The following AKAP13 variants were observed in gnomAD, a reference collection of about 807,000 sequenced individuals.
AKAP13 encodes the protein A-kinase anchor protein 13.
A neutral mutation model predicts 264.5 loss-of-function variants in AKAP13; 80 were observed. The observed-to-expected ratio is 0.30, with a 90% CI of 0.25 to 0.36. The LOEUF is 0.36. Ranked by LOEUF, AKAP13 falls within the 10% of genes least tolerant of loss-of-function variation. The pLI is 1.00. For synonymous variants in AKAP13, 1,380 were observed against 1,250.2 expected (o/e 1.10, Z -2.19); for missense variants, 3,712 against 3,435.2 (o/e 1.08, Z -2.01).
chr15:85,607,807 G>T (rs531470224), intron 8 of AKAP13, among the ~76,000 whole-genome samples: 2 of 152,158 alleles, frequency 1.3e-5, no homozygotes, highest in Admixed American at 6.5e-5. Context: ...TAAAATATGT[G>T]TTCTAGTTAA....
At chr15:85,561,947 G>A (rs145820281) in intron 5 of AKAP13, among the ~76,000 whole-genome samples, 42 of 152,232 alleles carry the variant, frequency 2.8e-4, no homozygotes, top group Non-Finnish European at 5.0e-4. Flanking sequence ...TGCATTCTCT[G>A]CTACAAAATA....
intron 10 of AKAP13, among the ~76,000 whole-genome samples, chr15:85,650,747 CT>C: frequency 1.9e-5 from 1 of 52,628 alleles, no homozygotes. Context: ...CAGAGTGAGA[CT>C]CCATCTCAAA....
In AKAP13 at chr15:85,748,167, G is replaced by A. The variant is rs2089424544; in HGVS notation, c.*3490G>A. On this transcript the variant is annotated 3_prime_UTR_variant, in exon 37 of 37. Transcript: ENST00000394518. Reference sequence around the variant, plus strand: ...GGATTTTAGTATTTGCATTGGAGTTGAGGTTTACTCTAATGATGGTGGCCC... The same window carrying A: ...GGATTTTAGTATTTGCATTGGAGTTAAGGTTTACTCTAATGATGGTGGCCC... 1 of 152,228 alleles carries A rather than the reference G, an allele frequency of 6.6e-6. No individual in the cohort carries two copies. The highest frequency in any genetic ancestry group is 2.4e-5 in the African/African-American group (1 of 41,450). 9.4% of individuals were successfully genotyped at this position (152,228 alleles called of 1,614,324 possible).
intron 1 of AKAP13, among the ~76,000 whole-genome samples, chr15:85,481,282 G>C (rs2075344615): frequency 6.6e-6 from 1 of 152,022 alleles, no homozygotes; most frequent in Non-Finnish European, 1.5e-5. Context: ...CCCAGCGCTG[G>C]TACATTCTGA....
At chr15:85,709,481 T>G (rs1164641599) in intron 18 of AKAP13, among the ~76,000 whole-genome samples, 2 of 152,014 alleles carry the variant, frequency 1.3e-5, no homozygotes, top group African/African-American at 4.8e-5. Context: ...TGCCACTGCC[T>G]TCCCACACCC....
intron 18 of AKAP13, 27 bp from the exon 19 acceptor site, chr15:85,710,552 C>T (rs1366085923): frequency 6.2e-7 from 1 of 1,610,734 alleles, no homozygotes; most frequent in African/African-American, 1.3e-5. Context: ...GGTGAATTGT[C>T]AATGGACTTA....
intron 1 of AKAP13, among the ~76,000 whole-genome samples, chr15:85,390,496 T>C (rs1047570820): frequency 2.6e-5 from 4 of 152,106 alleles, no homozygotes; most frequent in Admixed American, 2.6e-4. Flanking sequence ...ATAAGGTTTG[T>C]ATGTGTAGCC....
Position 85,582,071 on chromosome 15 carries a change from A to T in AKAP13, c.4003A>T (p.Ile1335Phe). Residue 1335 changes from isoleucine to phenylalanine, a missense_variant, in exon 7 of 37, where the codon ATC (isoleucine) becomes TTC (phenylalanine). Ile to Phe is a conservative substitution (Grantham distance 21). Around this residue, in one of 3 missense-constraint regions of AKAP13, gnomAD observed 2,759 missense variants for 2,411.7 expected, o/e 1.14. Transcript: ENST00000394518. The stretch of plus-strand genomic sequence containing the variant: ...TGCTGGAAGGGAGGAGCCAGAGAAG[A>T]TCATTTTACCTGTCCAGGGGCCTGA... ...CFAGREEPEK[I>F]ILPVQGPEPA... The T allele has an allele frequency of 6.2e-7, 1 of 1,612,534 alleles. No homozygotes were observed. The highest frequency in any genetic ancestry group is 1.3e-5 in the African/African-American group (1 of 75,024).
At chr15:85,744,192 T>C (rs557455887) in intron 36 of AKAP13, 1 of 300,792 alleles carries the variant, frequency 3.3e-6, no homozygotes, top group South Asian at 4.1e-5. Context: ...CTGTATGAAG[T>C]TGGCACTGCT....
chr15:85,508,115 C>G (rs751969997), intron 2 of AKAP13, among the ~76,000 whole-genome samples: 8 of 151,812 alleles, frequency 5.3e-5, no homozygotes, highest in Non-Finnish European at 1.2e-4. Context: ...TTGATGGAGC[C>G]TCTCTTTTCC....
intron 8 of AKAP13, among the ~76,000 whole-genome samples, chr15:85,611,437 C>T (rs1019687399): frequency 6.6e-6 from 1 of 152,160 alleles, no homozygotes; most frequent in Non-Finnish European, 1.5e-5. Flanking sequence ...CCTAGTCCAT[C>T]GTCACACTTC....
intron 14 of AKAP13, among the ~76,000 whole-genome samples, chr15:85,670,356 A>G (rs1005178142): frequency 6.6e-6 from 1 of 151,826 alleles, no homozygotes; most frequent in African/African-American, 2.4e-5. Context: ...ATTGTCTTAT[A>G]TTACCATAGT....
intron 8 of AKAP13, among the ~76,000 whole-genome samples, chr15:85,617,903 C>G (rs1328100585): frequency 6.6e-6 from 1 of 152,168 alleles, no homozygotes; most frequent in African/African-American, 2.4e-5. Flanking sequence ...TTATTTACAA[C>G]TTTTAAATCT....
At chr15:85,563,329 G>GTTTTTTTTTT (rs1184437606) in intron 5 of AKAP13, among the ~76,000 whole-genome samples, 26 of 54,188 alleles carry the variant, frequency 4.8e-4, no homozygotes, top group Admixed American at 4.3e-3. Context: ...GAATGTGCTT[G>GTTTTTTTTTT]TTTTTTTTTT....
Position 85,546,321 on chromosome 15 carries a change from A to AATACACACACACACACAC in AKAP13, c.662+2367_662+2368insTACACACACACACACACA, listed in dbSNP as rs375341311. Among the ~76,000 whole-genome samples, 12 of 145,176 alleles carry AATACACACACACACACAC rather than the reference A, an allele frequency of 8.3e-5. 1 individual carries two copies. Among genetic ancestry groups the AATACACACACACACACAC allele is most frequent in the Admixed American group, 6.9e-4 (10 of 14,556 alleles). On this transcript the variant is annotated intron_variant, in intron 5 of 36. Transcript: ENST00000394518. ...TAAATTTATATAATTGTTGTTACCA[A>AATACACACACACACACAC]ACACACACACACACACACACACACA...
chr15:85,566,626 C>CTTTT (rs35129066), intron 5 of AKAP13, among the ~76,000 whole-genome samples: 1 of 135,290 alleles, frequency 7.4e-6, no homozygotes, highest in Non-Finnish European at 1.6e-5. Context: ...AAATAACTTA[C>CTTTT]TTTTTTTTTT....
chr15:85,622,171 GAAAT>G (rs1184452631), intron 8 of AKAP13, among the ~76,000 whole-genome samples: 1 of 152,286 alleles, frequency 6.6e-6, no homozygotes, highest in Non-Finnish European at 1.5e-5. Context: ...AATAAATAGA[GAAAT>G]AAATAAGTAC....
intron 1 of AKAP13, among the ~76,000 whole-genome samples, chr15:85,396,359 T>C (rs1052122826): frequency 6.6e-6 from 1 of 152,154 alleles, no homozygotes. Context: ...CCTAAGAATG[T>C]GGTGCGTGAT....
intron 17 of AKAP13, among the ~76,000 whole-genome samples, chr15:85,705,227 G>A (rs967797846): frequency 3.3e-5 from 5 of 152,100 alleles, no homozygotes; most frequent in African/African-American, 7.2e-5. Context: ...ACCTTTTTAC[G>A]TGATAGTGCC....
Sources: gnomAD v4.1 joint callset for allele counts (sites outside exome capture counted in the v4.1 genomes callset) on GRCh38, gnomAD v4.1.1 for gene constraint, gnomAD v4.1.1 regional missense constraint, MANE v1.5 for transcripts, NCBI Gene and HGNC (gene_info 2026-07-23, HGNC 2026-07-21) for gene names.